FUT8: variants seen among roughly 807,000 people sequenced by gnomAD.
The protein encoded by FUT8 is alpha-(1,6)-fucosyltransferase.
In FUT8, 29 loss-of-function variants were observed where a neutral mutation model predicts 71.3. That is an observed-to-expected ratio of 0.41 (90% CI 0.30 to 0.55). The LOEUF is 0.55. Ranked by LOEUF, FUT8 falls within the 20% of genes least tolerant of loss-of-function variation. The probability of loss-of-function intolerance (pLI) is 0.34; values close to 1 mark genes in which losing one functional copy is unlikely to be tolerated. For missense variants in FUT8, 544 were observed against 702.1 expected, an observed-to-expected ratio of 0.77 and a Z score of 2.55; for synonymous variants, 254 against 239.3, an observed-to-expected ratio of 1.06 and a Z score of -0.57.
At chr14:65,674,113 G>C (rs1892602020) in intron 7 of FUT8, among the ~76,000 whole-genome samples, 1 of 152,002 alleles carries the variant, frequency 6.6e-6, no homozygotes, top group Admixed American at 6.5e-5. Flanking sequence ...AGAATATATA[G>C]ATATAATATA....
At chr14:65,685,741 C>T (rs1893256382) in intron 7 of FUT8, among the ~76,000 whole-genome samples, 1 of 152,108 alleles carries the variant, frequency 6.6e-6, no homozygotes, top group Non-Finnish European at 1.5e-5. Context: ...CATTTTAGAC[C>T]ATATAGGGTA....
chr14:65,611,394 C>CTTT (rs1177294972), intron 3 of FUT8, among the ~76,000 whole-genome samples: 19 of 144,388 alleles, frequency 1.3e-4, no homozygotes, highest in African/African-American at 4.6e-4. Flanking sequence ...GATTTTCTTT[C>CTTT]TTTTTTTTTT....
intron 9 of FUT8, among the ~76,000 whole-genome samples, chr14:65,726,686 C>T (rs907126397): frequency 6.6e-5 from 10 of 152,192 alleles, no homozygotes; most frequent in Non-Finnish European, 2.9e-5. Context: ...TGGCCACTCC[C>T]AAATCTCATG....
intron 2 of FUT8, among the ~76,000 whole-genome samples, chr14:65,517,454 G>A (rs530174674): frequency 1.3e-5 from 2 of 152,280 alleles, no homozygotes; most frequent in South Asian, 2.1e-4. Context: ...TTTTGAAGCT[G>A]AAGAGATATC....
intron 6 of FUT8, chr14:65,636,647 A>C (rs984597344): frequency 6.6e-6 from 1 of 152,142 alleles, no homozygotes; most frequent in African/African-American, 2.4e-5. Flanking sequence ...ATGTGTTTGC[A>C]TGGTTTTAAA....
chr14:65,454,185 G>A (rs767218394), intron 1 of FUT8, among the ~76,000 whole-genome samples: 25 of 152,354 alleles, frequency 1.6e-4, no homozygotes, highest in Non-Finnish European at 2.9e-4. Context: ...GTTTGGCAAA[G>A]ACTTTTGGGT....
intron 1 of FUT8, among the ~76,000 whole-genome samples, chr14:65,441,882 T>G (rs1288158859): frequency 1.3e-5 from 2 of 151,948 alleles, no homozygotes; most frequent in African/African-American, 4.8e-5. Context: ...ATGTGCCATG[T>G]TGGTGTGCTA....
chr14:65,595,811 G>A (rs1008301825), intron 3 of FUT8, among the ~76,000 whole-genome samples: 1 of 151,748 alleles, frequency 6.6e-6, no homozygotes, highest in Non-Finnish European at 1.5e-5. Flanking sequence ...GGGTTTCACC[G>A]TGTTAGCCAG....
chr14:65,372,450 C>T, the FUT8 span, among the ~76,000 whole-genome samples: 2 of 150,676 alleles, frequency 1.3e-5, no homozygotes, highest in Non-Finnish European at 2.9e-5. Flanking sequence ...GAGTTTTGCT[C>T]TGTCACCCGA....
chr14:65,705,883 T>A (rs1474570289), intron 7 of FUT8, among the ~76,000 whole-genome samples: 1 of 152,198 alleles, frequency 6.6e-6, no homozygotes, highest in Non-Finnish European at 1.5e-5. Flanking sequence ...ATGAATTAGA[T>A]ATACTTTGGG....
rs75447411 is a variant in FUT8, at chr14:65,435,517, C to T, written c.-325-20104C>T. Among the ~76,000 whole-genome samples, 886 of 152,218 alleles carry T rather than the reference C, an allele frequency of 5.8e-3. 10 individuals are homozygous for T. Among genetic ancestry groups the T allele is most frequent in the East Asian group, 0.035 (179 of 5,174 alleles). ...GTTTATCCATTTGTCTGTTGAAAGA[C>T]GTTTAGCTTATTGCTGGTTTTTGGC... On this transcript the variant is annotated intron_variant, in intron 1 of 10. Coordinates refer to ENST00000673929, the MANE Select transcript of FUT8 (RefSeq NM_001371533.1).
At chr14:65,712,025 A>G (rs1285574488) in intron 7 of FUT8, among the ~76,000 whole-genome samples, 1 of 152,206 alleles carries the variant, frequency 6.6e-6, no homozygotes, top group Non-Finnish European at 1.5e-5. Context: ...CTTTACAAGT[A>G]CATTATTTCT....
chr14:65,414,039 G>T (rs1436798874), intron 1 of FUT8, among the ~76,000 whole-genome samples: 1 of 152,140 alleles, frequency 6.6e-6, no homozygotes, highest in African/African-American at 2.4e-5. Flanking sequence ...TTGGTTAAAG[G>T]CACGGACAGG....
rs1346991055 is a variant in FUT8, at chr14:65,716,905, G to T, written c.836-4870G>T. On this transcript the variant is annotated intron_variant, in intron 7 of 10. Coordinates refer to ENST00000673929, the MANE Select transcript of FUT8 (RefSeq NM_001371533.1). ...CCAGACGGGGCGGCCGGGCAGAGGC[G>T]CTCCCCACTTCCCAGATGGGGCGGC... Among the ~76,000 whole-genome samples the T allele has an allele frequency of 4.5e-5, 6 of 134,368 alleles. No homozygotes were observed. In the South Asian group the frequency reaches 1.5e-3, roughly 33 times the overall value. 88.2% of individuals were successfully genotyped at this position (134,368 alleles called of 152,430 possible). A position where few individuals can be genotyped will look rare whatever the true frequency, so the allele number is the denominator to read the frequency against.
intron 10 of FUT8, among the ~76,000 whole-genome samples, chr14:65,740,824 C>T (rs1896462913): frequency 1.3e-5 from 2 of 151,992 alleles, no homozygotes; most frequent in Admixed American, 1.3e-4. Flanking sequence ...TTGGGGATTA[C>T]AGTTCACCAT....
chr14:65,653,828 A>T (rs1316896531), intron 6 of FUT8, among the ~76,000 whole-genome samples: 1 of 152,206 alleles, frequency 6.6e-6, no homozygotes, highest in Non-Finnish European at 1.5e-5. Context: ...TTTGAACCAG[A>T]TTTAAAACCT....
chr14:65,741,361 T>A (rs964616236), intron 10 of FUT8, among the ~76,000 whole-genome samples: 4 of 152,036 alleles, frequency 2.6e-5, no homozygotes, highest in African/African-American at 9.7e-5. Flanking sequence ...CGATGTGTTT[T>A]AGCTCACTTG....
chr14:65,694,636 A>G (rs529123921), intron 7 of FUT8, among the ~76,000 whole-genome samples: 58 of 152,320 alleles, frequency 3.8e-4, no homozygotes, highest in African/African-American at 1.3e-3. Context: ...AAGACTTGGA[A>G]TCAACCCAGA....
chr14:65,588,405 A>G (rs1352285617), intron 3 of FUT8, among the ~76,000 whole-genome samples: 2 of 152,168 alleles, frequency 1.3e-5, no homozygotes, highest in Admixed American at 6.6e-5. Context: ...TCTTCTTGCT[A>G]TGGTCTAAAC....
Sources: allele counts gnomAD v4.1 joint callset (sites outside exome capture counted in the v4.1 genomes callset), GRCh38; gene constraint gnomAD v4.1.1; transcripts MANE v1.5; gene names NCBI Gene and HGNC (gene_info 2026-07-23, HGNC 2026-07-21).